The following SYN3 variants were observed in gnomAD, a reference collection of about 807,000 sequenced individuals.
The protein encoded by SYN3 is synapsin III.
Under a neutral mutation model 65.8 loss-of-function variants are expected in SYN3, and 35 were observed. That is an observed-to-expected ratio of 0.53 (90% CI 0.41 to 0.70). The LOEUF (loss-of-function observed/expected upper bound fraction) is 0.70, where lower values mean the gene tolerates loss of function less well. SYN3 is among the 30% of genes least tolerant of loss of function. The pLI, the probability that SYN3 is intolerant of heterozygous loss-of-function variation, is 0.00. For synonymous variants in SYN3, 270 were observed against 292.9 expected (o/e 0.92, Z 0.80); for missense variants, 680 against 749.0 (o/e 0.91, Z 1.08).
At chr22:32,918,622 G>C (rs2050251412) in intron 4 of SYN3, among the ~76,000 whole-genome samples, 1 of 152,212 alleles carries the variant, frequency 6.6e-6, no homozygotes, top group Admixed American at 6.5e-5. Flanking sequence ...GTTGGGCCTA[G>C]AGAGTGCGGA....
chr22:32,600,693 AT>A (rs36106259), intron 6 of SYN3, among the ~76,000 whole-genome samples: 73,501 of 149,582 alleles, frequency 0.49, 21,012 homozygotes, highest in African/African-American at 0.79. Context: ...ACTTAATATG[AT>A]TTTTTTTTTT....
At chr22:32,773,560 T>C (rs1483580217) in intron 6 of SYN3, among the ~76,000 whole-genome samples, 3 of 152,110 alleles carry the variant, frequency 2.0e-5, no homozygotes, top group African/African-American at 7.2e-5. Context: ...TATGAGAAAT[T>C]TTCTGGATGT....
chr22:32,513,531 G>T lies in SYN3; in HGVS notation c.*161C>A. ...TGGAATGTCACGGTGAAGGAAAATGGGAACAAATATAGATAATCGGTTCCT... is the reference window on the plus strand; with the variant it reads ...TGGAATGTCACGGTGAAGGAAAATGTGAACAAATATAGATAATCGGTTCCT... On this transcript the variant is annotated 3_prime_UTR_variant, in exon 14 of 14. Transcript: ENST00000358763. 1.0e-6 allele frequency: 1 copy of T among 977,126 alleles called. No homozygotes were observed. Among genetic ancestry groups the T allele is most frequent in the Non-Finnish European group, 1.5e-6 (1 of 681,718 alleles). The allele number at this position is 977,126 out of a possible 1,614,324, so 60.5% of individuals were successfully genotyped here.
intron 6 of SYN3, among the ~76,000 whole-genome samples, chr22:32,749,402 G>A (rs2045042126): frequency 6.7e-6 from 1 of 149,406 alleles, no homozygotes; most frequent in African/African-American, 2.5e-5. Context: ...AGCACTTTGG[G>A]AGGCCAAGGC....
rs1313217189 is a variant in SYN3 at position 32,513,547 on chromosome 22, A to G, written c.*145T>C. On this transcript the variant is annotated 3_prime_UTR_variant, in exon 14 of 14. Transcript: ENST00000358763. ...AGGAAAATGGGAACAAATATAGATAATCGGTTCCTGGGTCAAAGGCATTTA... is the reference window on the plus strand; with the variant it reads ...AGGAAAATGGGAACAAATATAGATAGTCGGTTCCTGGGTCAAAGGCATTTA... 9 of 1,094,140 alleles carry G rather than the reference A, an allele frequency of 8.2e-6. No homozygotes were observed. The highest frequency in any genetic ancestry group is 7.8e-6 in the Non-Finnish European group (6 of 772,130). The allele number at this position is 1,094,140 out of a possible 1,614,324, so 67.8% of individuals were successfully genotyped here. A position where few individuals can be genotyped will look rare whatever the true frequency, so the allele number is the denominator to read the frequency against.
chr22:32,701,826 AAG>A (rs1293876593), intron 6 of SYN3, among the ~76,000 whole-genome samples: 1 of 152,194 alleles, frequency 6.6e-6, no homozygotes, highest in Non-Finnish European at 1.5e-5. Flanking sequence ...ATCCCAGAAG[AAG>A]AGAGGGGAGT....
At position 32,894,664 on chromosome 22, in the gene SYN3, T is replaced by C. The variant is rs117743707; in HGVS notation, c.462-25539A>G. Among the ~76,000 whole-genome samples, 102 of 152,364 alleles carry C rather than the reference T, an allele frequency of 6.7e-4. 1 individual carries two copies. In the East Asian group the frequency reaches 7.5e-3, roughly 11 times the overall value. ...AAGATGGTTCATCTTATGTGTCAACTTGACTGGGCTACAGGTGTTTAAACA... is the reference window on the plus strand; with the variant it reads ...AAGATGGTTCATCTTATGTGTCAACCTGACTGGGCTACAGGTGTTTAAACA... On this transcript the variant is annotated intron_variant, in intron 4 of 13. Transcript: ENST00000358763.
chr22:32,540,941 C>T (rs2058244114), intron 8 of SYN3, among the ~76,000 whole-genome samples: 1 of 152,206 alleles, frequency 6.6e-6, no homozygotes, highest in African/African-American at 2.4e-5. Flanking sequence ...TGCCCACCTT[C>T]CTGGGGCTAC....
intron 6 of SYN3, among the ~76,000 whole-genome samples, chr22:32,790,405 A>ATTTTATTT (rs2046297345): frequency 7.2e-5 from 5 of 69,488 alleles, no homozygotes; most frequent in African/African-American, 2.0e-4. Flanking sequence ...ATTAAATTAA[A>ATTTTATTT]CTTTATTTAT....
chr22:32,622,392 C>T (rs909805757), intron 6 of SYN3, among the ~76,000 whole-genome samples: 2 of 152,098 alleles, frequency 1.3e-5, no homozygotes, highest in African/African-American at 4.8e-5. Flanking sequence ...CCTTTGAGGT[C>T]GAGCTGCCTG....
At chr22:32,723,752 G>T (rs1195105434) in intron 6 of SYN3, among the ~76,000 whole-genome samples, 2 of 152,252 alleles carry the variant, frequency 1.3e-5, no homozygotes, top group East Asian at 3.8e-4. Context: ...GAACTGGCAG[G>T]TTGAAACAGG....
In SYN3 at chr22:32,797,222, C is replaced by T. The variant is rs1464421314; in HGVS notation, c.711+67693G>A. 3.9e-5 allele frequency among the ~76,000 whole-genome samples: 6 copies of T among 152,208 alleles called. No homozygotes were observed. In the East Asian group the frequency reaches 9.6e-4, roughly 24 times the overall value. On this transcript the variant is annotated intron_variant, in intron 6 of 13. Transcript: ENST00000358763. ...CGTGAACTCTCCAAGGAGCCACCAC[C>T]TGCCTGTCTGAATGCTGGAAAGGGG...
intron 1 of SYN3, among the ~76,000 whole-genome samples, chr22:33,048,686 C>T (rs563707633): frequency 3.0e-4 from 45 of 152,336 alleles, no homozygotes; most frequent in African/African-American, 1.1e-3. Flanking sequence ...AGAAGCTGAG[C>T]AGATGCTGGT....
chr22:32,903,670 TG>T (rs1415406364), intron 4 of SYN3, among the ~76,000 whole-genome samples: 2 of 152,208 alleles, frequency 1.3e-5, no homozygotes, highest in East Asian at 3.9e-4. Flanking sequence ...TGAGGTGCAA[TG>T]GGCAGCCTTC....
chr22:32,533,816 C>T lies in SYN3; in HGVS notation c.1072G>A (p.Asp358Asn), dbSNP rs772406281. Reference protein sequence around the residue: ...ICAVKAVHSKDGRDYIIEVMD... With the variant: ...ICAVKAVHSKNGRDYIIEVMD... ...ACCTCGATGATGTAATCTCTGCCAT[C>T]CTTGCTGTGGACAGCCTTGACGGCA... Residue 358 changes from aspartate (D) to asparagine (N), a missense_variant, in exon 10 of 14, where the codon GAT (aspartate) becomes AAT (asparagine). Coordinates refer to ENST00000358763, the MANE Select transcript of SYN3 (RefSeq NM_003490.4). 5 of 1,613,780 alleles carry T rather than the reference C, an allele frequency of 3.1e-6. No individual in the cohort carries two copies. Among genetic ancestry groups the T allele is most frequent in the Admixed American group, 3.3e-5 (2 of 60,020 alleles).
chr22:32,746,170 A>G (rs937297981), intron 6 of SYN3, among the ~76,000 whole-genome samples: 3 of 152,230 alleles, frequency 2.0e-5, no homozygotes, highest in East Asian at 3.9e-4. Context: ...AGGAGCCCAC[A>G]TAGACTGTGA....
At chr22:32,737,364 G>C (rs986718800) in intron 6 of SYN3, among the ~76,000 whole-genome samples, 2 of 151,668 alleles carry the variant, frequency 1.3e-5, no homozygotes, top group African/African-American at 2.4e-5. Flanking sequence ...TGTGCACAAC[G>C]TGCAGGTTAG....
At chr22:32,985,803 T>C (rs1343723487) in intron 2 of SYN3, among the ~76,000 whole-genome samples, 2 of 152,064 alleles carry the variant, frequency 1.3e-5, no homozygotes. Context: ...GTCCTGCCTC[T>C]GAACCTCTGC....
At chr22:32,549,609 A>C (rs888319261) in intron 7 of SYN3, among the ~76,000 whole-genome samples, 1 of 152,258 alleles carries the variant, frequency 6.6e-6, no homozygotes, top group African/African-American at 2.4e-5. Context: ...TTTGATTAAA[A>C]AAATACAGGC....
Sources: gnomAD v4.1 joint callset for allele counts (sites outside exome capture counted in the v4.1 genomes callset) on GRCh38, gnomAD v4.1.1 for gene constraint, MANE v1.5 for transcripts, NCBI Gene and HGNC (gene_info 2026-07-23, HGNC 2026-07-21) for gene names.